ARPC3: variants seen among roughly 807,000 people sequenced by gnomAD.
ARPC3 encodes actin related protein 2/3 complex subunit 3, also known as actin-related protein 2/3 complex subunit 3.
Under a neutral mutation model 27.6 loss-of-function variants are expected in ARPC3, and 12 were observed. The ratio of observed to expected loss-of-function variants is 0.43; its 90% CI spans 0.28 to 0.70. The LOEUF is 0.70. Ranked by LOEUF, ARPC3 falls within the 30% of genes least tolerant of loss-of-function variation. The pLI is 0.17. For synonymous variants in ARPC3, 53 were observed against 67.2 expected, an observed-to-expected ratio of 0.79 and a Z score of 1.03; for missense variants, 153 against 207.7, an observed-to-expected ratio of 0.74 and a Z score of 1.62.
chr12:110,439,463 C>T (rs1446912533), intron 3 of ARPC3, among the ~76,000 whole-genome samples: 1 of 152,118 alleles, frequency 6.6e-6, no homozygotes, highest in East Asian at 1.9e-4. Flanking sequence ...ACAATTTGTA[C>T]ACCAAGAGTC....
Position 110,435,160 on chromosome 12 carries a change from G to C in ARPC3, c.532C>G (p.Gln178Glu). The change falls in exon 7 of 7, where the codon CAG becomes GAG. Residue 178 changes from glutamine (Q) to glutamate (E), a missense_variant. Physicochemically the swap from Gln to Glu is conservative, Grantham distance 29. Coordinates refer to ENST00000228825, the MANE Select transcript of ARPC3 (RefSeq NM_001278556.2). ...FMNKSLSGPG[Q>E] Reference sequence around the variant, plus strand: ...GGTGGCTGCCCGGGCTCCCTTCACTGTCCAGGTCCTGAAAGACTCTTGTTC... The same window carrying C: ...GGTGGCTGCCCGGGCTCCCTTCACTCTCCAGGTCCTGAAAGACTCTTGTTC... 1 of 1,613,702 alleles carries C rather than the reference G, an allele frequency of 6.2e-7. No individual in the cohort carries two copies. Among genetic ancestry groups the C allele is most frequent in the Non-Finnish European group, 8.5e-7 (1 of 1,179,774 alleles).
chr12:110,437,893 T>C (rs1270524427), intron 3 of ARPC3, among the ~76,000 whole-genome samples: 1 of 152,116 alleles, frequency 6.6e-6, no homozygotes, highest in East Asian at 1.9e-4. Flanking sequence ...CACATTTGAC[T>C]TGCTCCCAAA....
chr12:110,448,340 C>A (rs2062477364), intron 1 of ARPC3, among the ~76,000 whole-genome samples: 1 of 152,012 alleles, frequency 6.6e-6, no homozygotes, highest in Admixed American at 6.6e-5. Flanking sequence ...AGTGTGTACC[C>A]CAGAGCTCAG....
chr12:110,439,772 T>C (rs1592951922), intron 3 of ARPC3, among the ~76,000 whole-genome samples: 2 of 152,204 alleles, frequency 1.3e-5, no homozygotes, highest in Non-Finnish European at 2.9e-5. Flanking sequence ...AGGTTGACGG[T>C]ATAGTGAGCT....
intron 1 of ARPC3, among the ~76,000 whole-genome samples, chr12:110,448,804 A>G (rs1174716826): frequency 7.3e-5 from 8 of 110,130 alleles, no homozygotes; most frequent in African/African-American, 2.5e-4. Flanking sequence ...GGTGGTACAG[A>G]GTCTCACTCT....
intron 1 of ARPC3, among the ~76,000 whole-genome samples, chr12:110,445,948 T>TA (rs1300573586): frequency 6.6e-6 from 1 of 151,548 alleles, no homozygotes; most frequent in Non-Finnish European, 1.5e-5. Flanking sequence ...TACTAAAATA[T>TA]AAAAAATTAG....
intron 2 of ARPC3, 54 bp downstream of exon 2, chr12:110,445,398 G>C: frequency 7.6e-7 from 1 of 1,324,374 alleles, no homozygotes; most frequent in East Asian, 2.3e-5. Flanking sequence ...GATCATTTCA[G>C]AAGATTGTTA....
At chr12:110,435,858 G>A (rs748538111) in intron 6 of ARPC3, among the ~76,000 whole-genome samples, 4 of 150,574 alleles carry the variant, frequency 2.7e-5, no homozygotes, top group East Asian at 2.0e-4. Context: ...ACTCCTGACC[G>A]CAAGTGATCC....
intron 3 of ARPC3, among the ~76,000 whole-genome samples, chr12:110,438,694 A>G (rs1158262553): frequency 6.8e-6 from 1 of 146,076 alleles, no homozygotes; most frequent in Non-Finnish European, 1.5e-5. Context: ...CCCAGGCTGG[A>G]GTGCAATGGC....
intron 2 of ARPC3, among the ~76,000 whole-genome samples, chr12:110,444,159 T>C (rs749977893): frequency 1.3e-4 from 20 of 151,988 alleles, no homozygotes; most frequent in Non-Finnish European, 2.6e-4. Flanking sequence ...TTAGTTGAGA[T>C]GGGGTTTCTC....
At position 110,436,183 on chromosome 12, in the gene ARPC3, T is replaced by C; in HGVS notation, c.401A>G (p.Gln134Arg). 2.5e-6 allele frequency: 4 copies of C among 1,613,656 alleles called. No individual in the cohort carries two copies. Among genetic ancestry groups the C allele is most frequent in the Non-Finnish European group, 3.4e-6 (4 of 1,179,630 alleles). The change falls in exon 6 of 7, where the codon CAA (glutamine) becomes CGA (arginine). Residue 134 changes from glutamine to arginine, a missense_variant. Physicochemically the swap from Gln to Arg is conservative, Grantham distance 43. Coordinates refer to ENST00000228825, the MANE Select transcript of ARPC3 (RefSeq NM_001278556.2). ...QEDEVMRAYL[Q>R]QLRQETGLRL... ...CAGTCCAGTCTCTTGCCTTAGCTGT[T>C]GTAAATAGGCTCTCATCACTTCTAA...
In ARPC3 at chr12:110,434,988, C is replaced by T. The variant is rs1218921441; in HGVS notation, c.*167G>A. On this transcript the variant is annotated 3_prime_UTR_variant, in exon 7 of 7. Coordinates refer to ENST00000228825, the MANE Select transcript of ARPC3 (RefSeq NM_001278556.2). ...GAAAATTTCAAATCACCCTTGATAA[C>T]CCACTTTCTTTTCTCCCACCCAAAT... 1.4e-6 allele frequency: 1 copy of T among 718,840 alleles called. No homozygotes were observed. The highest frequency in any genetic ancestry group is 1.7e-5 in the African/African-American group (1 of 57,204). The allele number at this position is 718,840 out of a possible 1,614,324, so 44.5% of individuals were successfully genotyped here. A position where few individuals can be genotyped will look rare whatever the true frequency, so the allele number is the denominator to read the frequency against.
intron 2 of ARPC3, among the ~76,000 whole-genome samples, chr12:110,442,029 C>T (rs2135501678): frequency 6.8e-6 from 1 of 147,572 alleles, no homozygotes; most frequent in African/African-American, 2.5e-5. Flanking sequence ...AAAACTCTGT[C>T]TCCAAAAAAA....
At position 110,450,331 on chromosome 12, in the gene ARPC3, C is replaced by G; in HGVS notation, c.-71G>C. 2 of 1,607,678 alleles carry G rather than the reference C, an allele frequency of 1.2e-6. No homozygotes were observed. Among genetic ancestry groups the G allele is most frequent in the South Asian group, 2.2e-5 (2 of 90,580 alleles). ...CAGCGGAGCGCTTCCGGTCTGGCAG[C>G]CTGGGCGAGGTAGGCGGAAGCGAAA... On this transcript the variant is annotated 5_prime_UTR_variant, in exon 1 of 7. Coordinates refer to ENST00000228825, the MANE Select transcript of ARPC3 (RefSeq NM_001278556.2).
chr12:110,447,589 A>G (rs2062472342), intron 1 of ARPC3, among the ~76,000 whole-genome samples: 2 of 152,168 alleles, frequency 1.3e-5, no homozygotes, highest in Non-Finnish European at 2.9e-5. Context: ...CCTGACCAAC[A>G]TGGTGAAACC....
At position 110,445,538 on chromosome 12, in the gene ARPC3, G is replaced by A. The variant is rs759917831; in HGVS notation, c.20C>T (p.Ser7Phe). The stretch of plus-strand genomic sequence containing the variant: ...GAGTTTGGTATCAGGATCCATGAGA[G>A]AAGAGTGGTAAGCCTGTAATGGCAA... MPAYHS[S>F]LMDPDTKLIG... Residue 7 changes from serine (S) to phenylalanine (F), a missense_variant, in exon 2 of 7, where the codon TCT becomes TTT. Transcript: ENST00000228825. 1.2e-6 allele frequency: 2 copies of A among 1,612,622 alleles called. No homozygotes were observed. The highest frequency in any genetic ancestry group is 2.2e-5 in the South Asian group (2 of 91,054).
In ARPC3 at chr12:110,450,270, GCCC is replaced by G; in HGVS notation, c.-13_-11del. On this transcript the variant is annotated 5_prime_UTR_variant, in exon 1 of 7. Coordinates refer to ENST00000228825, the MANE Select transcript of ARPC3 (RefSeq NM_001278556.2). ...GAACCCTCACCGGCATCTTGGCGGC[GCCC>G]GGGTTTCAACCCAGAGGAGCAGGAT... The G allele has an allele frequency of 1.7e-5, 28 of 1,614,054 alleles. No homozygotes were observed. The highest frequency in any genetic ancestry group is 2.3e-5 in the Non-Finnish European group (27 of 1,179,968).
chr12:110,438,359 G>T (rs986931470), intron 3 of ARPC3, among the ~76,000 whole-genome samples: 1 of 150,666 alleles, frequency 6.6e-6, no homozygotes, highest in Non-Finnish European at 1.5e-5. Context: ...CAACACTTTG[G>T]AAGTCCAAGG....
chr12:110,448,790 G>GC (rs553811052), intron 1 of ARPC3, among the ~76,000 whole-genome samples: 3,012 of 93,084 alleles, frequency 0.032, 287 homozygotes, highest in African/African-American at 0.068. Flanking sequence ...GGGGGGGGGG[G>GC]GGTGGTGGTA....
Sources: gnomAD v4.1 joint callset for allele counts (sites outside exome capture counted in the v4.1 genomes callset) on GRCh38, gnomAD v4.1.1 for gene constraint, MANE v1.5 for transcripts, NCBI Gene and HGNC (gene_info 2026-07-23, HGNC 2026-07-21) for gene names.